SLC26A8: variants seen among roughly 807,000 people sequenced by gnomAD.
SLC26A8 encodes the protein solute carrier family 26 member 8.
In SLC26A8, 70 loss-of-function variants were observed where a neutral mutation model predicts 105.0. The observed-to-expected ratio is 0.67, with a 90% CI of 0.55 to 0.81. The LOEUF (loss-of-function observed/expected upper bound fraction) is 0.81, where lower values mean the gene tolerates loss of function less well. SLC26A8 is among the 40% of genes least tolerant of loss of function. SLC26A8 has a pLI of 0.00. For synonymous variants in SLC26A8, 415 were observed against 438.3 expected (o/e 0.95, Z 0.66); for missense variants, 998 against 1,181.8 (o/e 0.84, Z 2.28).
Position 35,997,451 on chromosome 6 carries a change from G to T in SLC26A8, c.627+287C>A, listed in dbSNP as rs181217375. Among the ~76,000 whole-genome samples, 7 of 152,210 alleles carry T rather than the reference G, an allele frequency of 4.6e-5. No individual in the cohort carries two copies. The East Asian group carries it at 1.4e-3, about 29-fold the overall frequency. ...TGGTCCCCGGTTTCAAAAAGGTTGGGGACCACTGCTCTGGACCATCATCCC... is the reference window on the plus strand; with the variant it reads ...TGGTCCCCGGTTTCAAAAAGGTTGGTGACCACTGCTCTGGACCATCATCCC... On this transcript the variant is annotated intron_variant, in intron 5 of 19. Coordinates refer to ENST00000490799, the MANE Select transcript of SLC26A8 (RefSeq NM_052961.4).
chr6:35,998,652 C>T (rs764784585), intron 4 of SLC26A8, among the ~76,000 whole-genome samples: 7 of 149,066 alleles, frequency 4.7e-5, no homozygotes, highest in Non-Finnish European at 1.0e-4. Context: ...AAACTTATTT[C>T]AAACATTGTT....
chr6:36,000,092 C>A lies in SLC26A8; in HGVS notation c.345G>T (p.Leu115Phe). ...VQVPQGLTLS[L>F]LARQLIPPLN... ...GAGGAGGAATCAGTTGCCTTGCCAG[C>A]AAACTAAGTGTCAGGCCTGAAAAAC... The change falls in exon 4 of 20, where the codon TTG (leucine) becomes TTT (phenylalanine). Residue 115 changes from leucine (L) to phenylalanine (F), a missense_variant. Coordinates refer to ENST00000490799, the MANE Select transcript of SLC26A8 (RefSeq NM_052961.4). 1 of 1,613,266 alleles carries A rather than the reference C, an allele frequency of 6.2e-7. No individual in the cohort carries two copies. The highest frequency in any genetic ancestry group is 8.5e-7 in the Non-Finnish European group (1 of 1,179,320).
intron 12 of SLC26A8, among the ~76,000 whole-genome samples, chr6:35,962,290 A>T (rs1772338925): frequency 6.6e-6 from 1 of 151,802 alleles, no homozygotes; most frequent in Non-Finnish European, 1.5e-5. Flanking sequence ...CTAGATTTGG[A>T]TGTAACTGTA....
chr6:36,013,265 T>C (rs1175729350), intron 2 of SLC26A8, among the ~76,000 whole-genome samples: 1 of 151,836 alleles, frequency 6.6e-6, no homozygotes, highest in African/African-American at 2.4e-5. Context: ...GGCACAATCT[T>C]GGCTCACTGC....
rs750925624 is a variant in SLC26A8 at position 35,959,513 on chromosome 6, C to G, written c.1810G>C (p.Gly604Arg). The G allele has an allele frequency of 1.2e-6, 2 of 1,614,052 alleles. No individual in the cohort carries two copies. The highest frequency in any genetic ancestry group is 8.5e-7 in the Non-Finnish European group (1 of 1,180,010). The change falls in exon 16 of 20, where the codon GGA (glycine) becomes CGA (arginine). Residue 604 changes from glycine (G) to arginine (R), a missense_variant. Coordinates refer to ENST00000490799, the MANE Select transcript of SLC26A8 (RefSeq NM_052961.4). The stretch of plus-strand genomic sequence containing the variant: ...TTGCAGAAACACCTGCAAATCTTTC[C>G]TCCTTGTAGATTGGTGTCACTTGAA... ...FNSSDTNLQGGKICRCFCNCD... is the reference protein window; with the variant it reads ...FNSSDTNLQGRKICRCFCNCD...
intron 11 of SLC26A8, among the ~76,000 whole-genome samples, chr6:35,968,474 A>G (rs1195307105): frequency 6.7e-6 from 1 of 150,262 alleles, no homozygotes; most frequent in African/African-American, 2.5e-5. Flanking sequence ...ACCCAGTTAT[A>G]CGGTGCCCAG....
intron 5 of SLC26A8, among the ~76,000 whole-genome samples, chr6:35,994,683 C>G (rs1171518462): frequency 6.6e-6 from 1 of 150,716 alleles, no homozygotes; most frequent in African/African-American, 2.4e-5. Context: ...TCAGGTGATT[C>G]TCCCACCTCA....
At position 35,997,235 on chromosome 6, in the gene SLC26A8, A is replaced by G. The variant is rs564389800; in HGVS notation, c.627+503T>C. Among the ~76,000 whole-genome samples the G allele has an allele frequency of 7.9e-5, 12 of 152,218 alleles. No individual in the cohort carries two copies. The South Asian group carries it at 1.0e-3, about 13-fold the overall frequency. ...GCCTGAGCTCTCCACCTTCTGTCAG[A>G]TCAGCCACAGCATTAGATTCTCAGG... On this transcript the variant is annotated intron_variant, in intron 5 of 19. Coordinates refer to ENST00000490799, the MANE Select transcript of SLC26A8 (RefSeq NM_052961.4).
In SLC26A8 at chr6:35,975,494, A is replaced by G. The variant is rs367559627; in HGVS notation, c.1174-6T>C. 178 of 1,586,600 alleles carry G rather than the reference A, an allele frequency of 1.1e-4. No homozygotes were observed. Among genetic ancestry groups the G allele is most frequent in the Middle Eastern group, 1.7e-4 (1 of 5,994 alleles). On this transcript the variant is annotated splice_region_variant and splice_polypyrimidine_tract_variant and intron_variant, in intron 9 of 19. Transcript: ENST00000490799. ...AGGCCGATGGCTATTAAATCCTGTA[A>G]AGAAACAGCAGATGCTTTAGGCCCC...
In SLC26A8 at chr6:35,982,105, A is replaced by G; in HGVS notation, c.1025+16T>C. 6.2e-7 allele frequency: 1 copy of G among 1,613,278 alleles called. No individual in the cohort carries two copies. The highest frequency in any genetic ancestry group is 1.1e-5 in the South Asian group (1 of 91,074). ...TCAGAAAGAGAAAAGCAATCTTGAAAAGTGGAATTACTGACCTATAAGGAA... is the reference window on the plus strand; with the variant it reads ...TCAGAAAGAGAAAAGCAATCTTGAAGAGTGGAATTACTGACCTATAAGGAA... On this transcript the variant is annotated intron_variant, in intron 8 of 19. Coordinates refer to ENST00000490799, the MANE Select transcript of SLC26A8 (RefSeq NM_052961.4).
At chr6:35,959,334 G>T in intron 16 of SLC26A8, 126 bp downstream of exon 16, 1 of 1,042,408 alleles carries the variant, frequency 9.6e-7, no homozygotes, top group Non-Finnish European at 1.3e-6. Context: ...CTTAATTTCT[G>T]AATTCTTCAT....
intron 11 of SLC26A8, among the ~76,000 whole-genome samples, chr6:35,964,646 C>CA (rs35623179): frequency 0.055 from 7,527 of 137,404 alleles, 244 homozygotes; most frequent in Non-Finnish European, 0.08. Context: ...GACTCTGTCT[C>CA]AAAAAAAAAA....
rs1209486926 is a variant in SLC26A8 at position 35,997,831 on chromosome 6, G to C, written c.534C>G (p.Val178=). The C allele has an allele frequency of 6.8e-6, 11 of 1,614,038 alleles. No homozygotes were observed. Among genetic ancestry groups the C allele is most frequent in the Non-Finnish European group, 8.5e-6 (10 of 1,180,040 alleles). The change falls in exon 5 of 20, where the codon GTC becomes GTG. Residue 178 remains valine (V), a synonymous_variant. Transcript: ENST00000490799. ...NNGQLVMGSF[V]KNEFSAPSYL... ...AGGAGGGGGCCGAAAACTCATTCTT[G>C]ACGAAAGATCCCATGACCAGTTGAC...
rs56822307 is a variant in SLC26A8 at position 35,988,841 on chromosome 6, GTT to G, written c.942+2816_942+2817del. On this transcript the variant is annotated intron_variant, in intron 7 of 19. Transcript: ENST00000490799. ...GCTTTTAGATATACAGTTCTATACGGTTTTTTTTTTTTTTTTTGAGACGGAAT... is the reference window on the plus strand; with the variant it reads ...GCTTTTAGATATACAGTTCTATACGGTTTTTTTTTTTTTTTGAGACGGAAT... 4.2e-3 allele frequency among the ~76,000 whole-genome samples: 541 copies of G among 128,332 alleles called. 1 individual carries two copies. The highest frequency in any genetic ancestry group is 0.014 in the African/African-American group (486 of 34,712). 84.2% of individuals were successfully genotyped at this position (128,332 alleles called of 152,430 possible).
Position 35,997,726 on chromosome 6 carries a change from C to T in SLC26A8, c.627+12G>A. 2.5e-6 allele frequency: 4 copies of T among 1,612,642 alleles called. No individual in the cohort carries two copies. The highest frequency in any genetic ancestry group is 3.4e-6 in the Non-Finnish European group (4 of 1,179,046). Reference sequence around the variant, plus strand: ...CAGTTCCTTTTCAGGGATTTGAAGACTCAGATCCTACCTGAATAATCCCAG... The same window carrying T: ...CAGTTCCTTTTCAGGGATTTGAAGATTCAGATCCTACCTGAATAATCCCAG... On this transcript the variant is annotated intron_variant, in intron 5 of 19. Transcript: ENST00000490799.
At chr6:35,987,684 C>T (rs1291302464) in intron 7 of SLC26A8, among the ~76,000 whole-genome samples, 1 of 151,744 alleles carries the variant, frequency 6.6e-6, no homozygotes, top group African/African-American at 2.4e-5. Flanking sequence ...ATTTTCTTAA[C>T]ATACTGCCCC....
At position 36,001,189 on chromosome 6, in the gene SLC26A8, C is replaced by T. The variant is rs527496719; in HGVS notation, c.329-1081G>A. On this transcript the variant is annotated intron_variant, in intron 3 of 19. Coordinates refer to ENST00000490799, the MANE Select transcript of SLC26A8 (RefSeq NM_052961.4). The stretch of plus-strand genomic sequence containing the variant: ...TGTTGCCCAGGCTGGAGTGCAGTGG[C>T]GCGATCTCGGCTCCCCGCGAGCTCC... 2.6e-3 allele frequency among the ~76,000 whole-genome samples: 393 copies of T among 151,916 alleles called. 5 individuals carry two copies. Among genetic ancestry groups the T allele is most frequent in the African/African-American group, 8.9e-3 (368 of 41,410 alleles).
chr6:35,954,898 T>C (rs972976584), intron 17 of SLC26A8: 4 of 389,462 alleles, frequency 1.0e-5, no homozygotes, highest in African/African-American at 4.1e-5. Context: ...TGAGCCAAGA[T>C]TGTGCCACTG....
rs867733871 is a variant in SLC26A8, at chr6:36,019,764, C to T, written c.-2-55G>A. ...GAGCATTTTCAGTAATCCAGATCCT[C>T]GGCATATTTTTAAGGAAATAAAATT... On this transcript the variant is annotated intron_variant, in intron 1 of 19. Transcript: ENST00000490799. The T allele has an allele frequency of 2.3e-5, 34 of 1,451,710 alleles. No homozygotes were observed. In the Middle Eastern group the frequency reaches 5.7e-4, roughly 24 times the overall value. 89.9% of individuals were successfully genotyped at this position (1,451,710 alleles called of 1,614,324 possible).
Sources: allele counts gnomAD v4.1 joint callset (sites outside exome capture counted in the v4.1 genomes callset), GRCh38; gene constraint gnomAD v4.1.1; transcripts MANE v1.5; gene names NCBI Gene and HGNC (gene_info 2026-07-23, HGNC 2026-07-21).